Variants in CDCA7L observed in about 807,000 individuals in gnomAD.
CDCA7L encodes the protein cell division cycle-associated 7-like protein.
A neutral mutation model predicts 57.4 loss-of-function variants in CDCA7L; 44 were observed. The ratio of observed to expected loss-of-function variants is 0.77; its 90% CI spans 0.60 to 0.98. CDCA7L has a LOEUF of 0.98. CDCA7L is among the 50% of genes least tolerant of loss of function. The probability of loss-of-function intolerance (pLI) is 0.00; values close to 1 mark genes in which losing one functional copy is unlikely to be tolerated. For missense variants in CDCA7L, 644 were observed against 580.6 expected (o/e 1.11, Z -1.12); for synonymous variants, 236 against 202.8 (o/e 1.16, Z -1.39).
At chr7:21,925,271 C>G (rs1785787417) in intron 1 of CDCA7L, among the ~76,000 whole-genome samples, 1 of 152,120 alleles carries the variant, frequency 6.6e-6, no homozygotes, top group Non-Finnish European at 1.5e-5. Context: ...TTTAAAAGTC[C>G]TCAGCCTACC....
At chr7:21,937,580 G>C (rs959872717) in intron 1 of CDCA7L, among the ~76,000 whole-genome samples, 10 of 151,720 alleles carry the variant, frequency 6.6e-5, no homozygotes, top group Non-Finnish European at 1.2e-4. Context: ...AGAGGTTACA[G>C]TGAGCCGAGA....
chr7:21,925,139 A>G (rs113791637), intron 1 of CDCA7L, among the ~76,000 whole-genome samples: 1,688 of 152,332 alleles, frequency 0.011, 10 homozygotes, highest in African/African-American at 0.024. Flanking sequence ...TCTGACAAAA[A>G]TATGACAAAT....
intron 1 of CDCA7L, among the ~76,000 whole-genome samples, chr7:21,917,926 A>G (rs572510167): frequency 3.9e-4 from 30 of 76,756 alleles, no homozygotes; most frequent in African/African-American, 2.3e-3. Context: ...CTGTAACTCT[A>G]TATTTTAATA....
At chr7:21,936,712 A>G (rs1035717461) in intron 1 of CDCA7L, among the ~76,000 whole-genome samples, 2 of 152,206 alleles carry the variant, frequency 1.3e-5, no homozygotes, top group African/African-American at 2.4e-5. Context: ...AAGATACTCA[A>G]TGATGAATGG....
chr7:21,916,096 G>C (rs1337619036), intron 2 of CDCA7L, among the ~76,000 whole-genome samples: 2 of 152,202 alleles, frequency 1.3e-5, no homozygotes, highest in Non-Finnish European at 2.9e-5. Context: ...TGGAAGCAAA[G>C]TGGGTTTAAT....
At chr7:21,907,734 G>C (rs989100366) in intron 4 of CDCA7L, among the ~76,000 whole-genome samples, 2 of 152,096 alleles carry the variant, frequency 1.3e-5, no homozygotes, top group African/African-American at 4.8e-5. Context: ...AAAGCTACCT[G>C]CCCAACCTGC....
chr7:21,902,920 TC>T, intron 9 of CDCA7L, 57 bp downstream of exon 9: 3 of 1,563,692 alleles, frequency 1.9e-6, no homozygotes, highest in Non-Finnish European at 2.6e-6. Context: ...CCAGAGGGTC[TC>T]CTGTGCTCAG....
chr7:21,911,213 A>G (rs1450336674), intron 3 of CDCA7L, among the ~76,000 whole-genome samples: 2 of 151,310 alleles, frequency 1.3e-5, no homozygotes, highest in African/African-American at 4.9e-5. Flanking sequence ...TATTTTGAGG[A>G]GAGATGGGGT....
chr7:21,940,593 G>A (rs968375550), intron 1 of CDCA7L, among the ~76,000 whole-genome samples: 11 of 152,222 alleles, frequency 7.2e-5, no homozygotes, highest in African/African-American at 7.2e-5. Flanking sequence ...GAAGTTCCCA[G>A]GGCGAGCACC....
At chr7:21,928,931 A>T (rs1230702899) in intron 1 of CDCA7L, among the ~76,000 whole-genome samples, 3 of 152,170 alleles carry the variant, frequency 2.0e-5, no homozygotes, top group African/African-American at 7.2e-5. Context: ...ACAGGCCAAC[A>T]TTCAAACTCA....
chr7:21,938,783 T>C (rs545165570), intron 1 of CDCA7L, among the ~76,000 whole-genome samples: 13 of 152,136 alleles, frequency 8.5e-5, no homozygotes, highest in African/African-American at 1.9e-4. Context: ...GACAGGAGGA[T>C]TGCTTGAGCC....
rs1181695066 is a variant in CDCA7L, at chr7:21,902,056, G to A, written c.*266C>T. The A allele has an allele frequency of 2.1e-6, 1 of 481,696 alleles. No homozygotes were observed. Among genetic ancestry groups the A allele is most frequent in the Non-Finnish European group, 3.7e-6 (1 of 267,234 alleles). 29.8% of individuals were successfully genotyped at this position (481,696 alleles called of 1,614,324 possible). A position where few individuals can be genotyped will look rare whatever the true frequency, so the allele number is the denominator to read the frequency against. On this transcript the variant is annotated 3_prime_UTR_variant, in exon 10 of 10. Transcript: ENST00000406877. Reference sequence around the variant, plus strand: ...ACTTTAACCCCACCCCATTTAAACTGTGCTTTTTAATAACTGGCAGATATT... The same window carrying A: ...ACTTTAACCCCACCCCATTTAAACTATGCTTTTTAATAACTGGCAGATATT...
intron 1 of CDCA7L, among the ~76,000 whole-genome samples, chr7:21,939,563 C>G (rs1297584486): frequency 6.6e-6 from 1 of 152,152 alleles, no homozygotes; most frequent in Admixed American, 6.5e-5. Context: ...GGGAGGTCAG[C>G]AGATAGAACA....
At chr7:21,902,590 A>AATGAAACTTGT (rs1784958173) in intron 9 of CDCA7L, 3 of 455,230 alleles carry the variant, frequency 6.6e-6, no homozygotes, top group Admixed American at 3.7e-5. Context: ...TAATTACATA[A>AATGAAACTTGT]ATGAAACTTG....
intron 5 of CDCA7L, 40 bp from the exon 6 acceptor site, chr7:21,906,496 C>G (rs752101616): frequency 6.2e-7 from 1 of 1,611,416 alleles, no homozygotes; most frequent in Non-Finnish European, 8.5e-7. Flanking sequence ...TGGGGACTCT[C>G]TCGAATAAAA....
At chr7:21,928,801 C>T (rs1380159903) in intron 1 of CDCA7L, among the ~76,000 whole-genome samples, 2 of 151,856 alleles carry the variant, frequency 1.3e-5, no homozygotes, top group African/African-American at 2.4e-5. Context: ...AAATATGGGA[C>T]TATGTGAAAA....
chr7:21,920,726 C>T (rs1044638458), intron 1 of CDCA7L, among the ~76,000 whole-genome samples: 3 of 152,186 alleles, frequency 2.0e-5, no homozygotes. Context: ...ATGTTTGCCA[C>T]CTTATCTTTT....
intron 1 of CDCA7L, among the ~76,000 whole-genome samples, chr7:21,932,459 G>A (rs1472184162): frequency 6.6e-6 from 1 of 152,040 alleles, no homozygotes; most frequent in East Asian, 1.9e-4. Context: ...CAGATATACA[G>A]ACCAATGGAA....
Position 21,906,616 on chromosome 7 carries a change from C to A in CDCA7L, c.705G>T (p.Leu235Phe). 1 of 1,613,972 alleles carries A rather than the reference C, an allele frequency of 6.2e-7. No homozygotes were observed. Among genetic ancestry groups the A allele is most frequent in the South Asian group, 1.1e-5 (1 of 91,042 alleles). Residue 235 changes from leucine to phenylalanine, a missense_variant, in exon 5 of 10, where the codon TTG becomes TTT. Leu to Phe is a conservative substitution (Grantham distance 22). Transcript: ENST00000406877. ...CTGGGAAGAAATCTGGCATCGAGTTCAATTCCGCCAATAACTGGGCAAGCT... is the reference window on the plus strand; with the variant it reads ...CTGGGAAGAAATCTGGCATCGAGTTAAATTCCGCCAATAACTGGGCAAGCT... The part of the protein sequence containing the change: ...KAMLAQLLAE[L>F]NSMPDFFPVR...
Sources: allele counts gnomAD v4.1 joint callset (sites outside exome capture counted in the v4.1 genomes callset), GRCh38; gene constraint gnomAD v4.1.1; transcripts MANE v1.5; gene names NCBI Gene and HGNC (gene_info 2026-07-23, HGNC 2026-07-21).